Variants in COG3 observed in about 807,000 individuals in gnomAD.
The protein encoded by COG3 is conserved oligomeric Golgi complex subunit 3.
In COG3, 32 loss-of-function variants were observed where a neutral mutation model predicts 114.1. The observed-to-expected ratio is 0.28, with a 90% CI of 0.21 to 0.38. COG3 has a LOEUF of 0.38. Ranked by LOEUF, COG3 falls within the 10% of genes least tolerant of loss-of-function variation. The probability of loss-of-function intolerance (pLI) is 1.00; values close to 1 mark genes in which losing one functional copy is unlikely to be tolerated. For missense variants in COG3, 813 were observed against 973.2 expected (o/e 0.84, Z 2.19); for synonymous variants, 352 against 365.7 (o/e 0.96, Z 0.43).
chr13:45,476,969 C>T (rs998415227), intron 2 of COG3, among the ~76,000 whole-genome samples: 31 of 152,118 alleles, frequency 2.0e-4, no homozygotes, highest in African/African-American at 7.5e-4. Context: ...TTCTACAAAC[C>T]GATGAAGAAT....
intron 1 of COG3, 146 bp downstream of exon 1, chr13:45,465,356 C>T: frequency 7.7e-7 from 1 of 1,303,680 alleles, no homozygotes; most frequent in Admixed American, 2.9e-5. Flanking sequence ...TGGGAGGGGC[C>T]TCATCTCCCA....
intron 19 of COG3, among the ~76,000 whole-genome samples, chr13:45,522,595 A>G (rs1211358668): frequency 1.3e-5 from 2 of 152,130 alleles, no homozygotes; most frequent in Non-Finnish European, 2.9e-5. Flanking sequence ...TTAATACCTG[A>G]TTTTTGGTAT....
At chr13:45,518,655 G>A (rs1369220736) in intron 17 of COG3, 107 bp from the exon 18 acceptor site, 3 of 751,260 alleles carry the variant, frequency 4.0e-6, no homozygotes, top group Non-Finnish European at 2.3e-6. Context: ...AGTTGCTGAA[G>A]GTGAATTGGC....
chr13:45,528,662 A>C (rs937577527), intron 20 of COG3, among the ~76,000 whole-genome samples: 4 of 152,316 alleles, frequency 2.6e-5, no homozygotes, highest in African/African-American at 9.6e-5. Flanking sequence ...TACCCAAATG[A>C]GATTGTACTA....
At chr13:45,500,874 G>C (rs1869450015) in intron 13 of COG3, among the ~76,000 whole-genome samples, 1 of 152,104 alleles carries the variant, frequency 6.6e-6, no homozygotes, top group Non-Finnish European at 1.5e-5. Flanking sequence ...CGATGACTTA[G>C]CAGTGTTGAG....
At chr13:45,492,097 T>G (rs1431083933) in intron 10 of COG3, 62 bp from the exon 11 acceptor site, 2 of 991,464 alleles carry the variant, frequency 2.0e-6, no homozygotes, top group African/African-American at 3.3e-5. Flanking sequence ...AGGCTTTATT[T>G]CATAAACATC....
chr13:45,503,162 ATATG>A, intron 13 of COG3, 78 bp from the exon 14 acceptor site: 4 of 662,426 alleles, frequency 6.0e-6, no homozygotes, highest in East Asian at 2.8e-5. Context: ...AAATATATAT[ATATG>A]TACTTTGTAT....
At chr13:45,483,643 T>G (rs921360763) in intron 7 of COG3, among the ~76,000 whole-genome samples, 1 of 152,222 alleles carries the variant, frequency 6.6e-6, no homozygotes, top group African/African-American at 2.4e-5. Flanking sequence ...ATTCCTTTTC[T>G]ATCTTTTTCA....
intron 1 of COG3, among the ~76,000 whole-genome samples, chr13:45,471,466 T>C (rs939724810): frequency 5.9e-5 from 9 of 152,146 alleles, no homozygotes; most frequent in African/African-American, 1.9e-4. Context: ...TTTCCCTGTT[T>C]TGTGATATTG....
chr13:45,534,263 TG>T (rs1873404038), intron 22 of COG3, among the ~76,000 whole-genome samples: 1 of 152,238 alleles, frequency 6.6e-6, no homozygotes, highest in Non-Finnish European at 1.5e-5. Flanking sequence ...TTTCTGTCCT[TG>T]TCAGTGTTTG....
chr13:45,486,553 G>C lies in COG3; in HGVS notation c.902G>C (p.Arg301Pro), dbSNP rs1886683175. The change falls in exon 8 of 23, where the codon CGA (arginine) becomes CCA (proline). Residue 301 changes from arginine (R) to proline (P), a missense_variant. This residue lies in a region of COG3 where 424 missense variants were observed against 430.6 expected (regional missense o/e 0.98). Transcript: ENST00000349995. ...TTCACATTATTTTATGTGAAATTTC[G>C]AGCTGCTGCCCCCAAAGTCAGAGTA... ...NAFTLFYVKF[R>P]AAAPKVRTLI... 5.6e-6 allele frequency: 9 copies of C among 1,608,800 alleles called. No homozygotes were observed. Among genetic ancestry groups the C allele is most frequent in the Non-Finnish European group, 7.7e-6 (9 of 1,175,424 alleles).
At position 45,533,791 on chromosome 13, in the gene COG3, C is replaced by T. The variant is rs891285023; in HGVS notation, c.2458-911C>T. On this transcript the variant is annotated intron_variant, in intron 22 of 22. Coordinates refer to ENST00000349995, the MANE Select transcript of COG3 (RefSeq NM_031431.4). Reference sequence around the variant, plus strand: ...CTTGACCTTGACAGGCCAGTTATTCCGCAGACTGTCTCTCCATTTGGTGTT... The same window carrying T: ...CTTGACCTTGACAGGCCAGTTATTCTGCAGACTGTCTCTCCATTTGGTGTT... 4.6e-5 allele frequency among the ~76,000 whole-genome samples: 7 copies of T among 152,302 alleles called. No individual in the cohort carries two copies. In the South Asian group the frequency reaches 1.0e-3, roughly 23 times the overall value.
chr13:45,509,967 AT>A (rs1205688644), intron 15 of COG3, 151 bp downstream of exon 15: 1 of 784,398 alleles, frequency 1.3e-6, no homozygotes, highest in Non-Finnish European at 1.9e-6. Flanking sequence ...TAATTTAGGA[AT>A]TTCTAACCTG....
At chr13:45,516,711 T>C (rs189842260) in intron 17 of COG3, among the ~76,000 whole-genome samples, 2 of 152,336 alleles carry the variant, frequency 1.3e-5, no homozygotes, top group Admixed American at 1.3e-4. Context: ...TGTCCCATCA[T>C]TTCCCGGCCT....
rs930575267 is a variant in COG3, at chr13:45,491,682, G to A, written c.1095+144G>A. The A allele has an allele frequency of 1.3e-5, 9 of 706,332 alleles. No homozygotes were observed. In the Admixed American group the frequency reaches 2.1e-4, roughly 16 times the overall value. 43.8% of individuals were successfully genotyped at this position (706,332 alleles called of 1,614,324 possible). The stretch of plus-strand genomic sequence containing the variant: ...TTTTCATTATGACAAATCTAGTTTG[G>A]TAATTAGCCTTATTCACCTTTGCAA... On this transcript the variant is annotated intron_variant, in intron 10 of 22. Transcript: ENST00000349995.
intron 1 of COG3, among the ~76,000 whole-genome samples, chr13:45,471,138 T>G (rs935843968): frequency 1.3e-5 from 2 of 152,170 alleles, no homozygotes; most frequent in African/African-American, 4.8e-5. Context: ...GCATGGTGGC[T>G]CACCCCTGTA....
At chr13:45,497,660 C>T (rs966840565) in intron 13 of COG3, among the ~76,000 whole-genome samples, 10 of 151,986 alleles carry the variant, frequency 6.6e-5, no homozygotes, top group Non-Finnish European at 1.2e-4. Flanking sequence ...ATGGTGTGCT[C>T]CTGTGATCCC....
intron 11 of COG3, 46 bp from the exon 12 acceptor site, chr13:45,493,301 C>A (rs1316268534): frequency 2.0e-6 from 3 of 1,490,172 alleles, no homozygotes; most frequent in Non-Finnish European, 2.7e-6. Context: ...ATTACAAAAT[C>A]CTGAAAAAAC....
chr13:45,505,072 A>G (rs944701915), intron 14 of COG3, among the ~76,000 whole-genome samples: 6 of 151,754 alleles, frequency 4.0e-5, no homozygotes, highest in African/African-American at 1.5e-4. Context: ...CTGTAATCCC[A>G]GCTATTCGGG....
Sources: gnomAD v4.1 joint callset for allele counts (sites outside exome capture counted in the v4.1 genomes callset) on GRCh38, gnomAD v4.1.1 for gene constraint, gnomAD v4.1.1 regional missense constraint, MANE v1.5 for transcripts, NCBI Gene and HGNC (gene_info 2026-07-23, HGNC 2026-07-21) for gene names.